Variants in EML1 observed in about 807,000 individuals in gnomAD.
The protein encoded by EML1 is EMAP like 1.
EML1 carries 27 observed loss-of-function variants against 110.4 expected under a neutral mutation model. That is an observed-to-expected ratio of 0.24 (90% CI 0.18 to 0.34). The LOEUF (loss-of-function observed/expected upper bound fraction) is 0.34, where lower values mean the gene tolerates loss of function less well. Ranked by LOEUF, EML1 falls within the 10% of genes least tolerant of loss-of-function variation. The probability of loss-of-function intolerance (pLI) is 1.00; values close to 1 mark genes in which losing one functional copy is unlikely to be tolerated. For missense variants in EML1, 741 were observed against 1,030.9 expected (o/e 0.72, Z 3.85); for synonymous variants, 344 against 385.8 (o/e 0.89, Z 1.27).
At chr14:99,881,707 T>G (rs1595427197) in intron 4 of EML1, among the ~76,000 whole-genome samples, 1 of 152,066 alleles carries the variant, frequency 6.6e-6, no homozygotes, top group Admixed American at 6.5e-5. Context: ...TTCAAGAGAT[T>G]CTCCTGCCTC....
chr14:99,747,798 C>T lies in EML1; in HGVS notation c.28+9938C>T, dbSNP rs543926480. Among the ~76,000 whole-genome samples the T allele has an allele frequency of 7.2e-5, 11 of 152,308 alleles. No individual in the cohort carries two copies. In the South Asian group the frequency reaches 2.3e-3, roughly 32 times the overall value. ...AAGCCCACCCCTGGCCACACGGGGA[C>T]TTGGTGCTGCCCCAGGGGTCCCGCT... On this transcript the variant is annotated intron_variant, in intron 1 of 10. Transcript: ENST00000554479.
In EML1 at chr14:99,744,591, A is replaced by C. The variant is rs138069549; in HGVS notation, c.28+6731A>C. Among the ~76,000 whole-genome samples the C allele has an allele frequency of 8.8e-3, 1,347 of 152,346 alleles. 67 individuals are homozygous for C. Among genetic ancestry groups the C allele is most frequent in the Admixed American group, 0.081 (1,241 of 15,298 alleles). ...TTCAAGTAATCCATTTTAATTATGA[A>C]ATAGAGCACATTGTGTGAGCTGTGG... On this transcript the variant is annotated intron_variant, in intron 1 of 10. Coordinates refer to the EML1 transcript ENST00000554479.
At chr14:99,798,196 G>A (rs1252371839) in intron 1 of EML1, among the ~76,000 whole-genome samples, 1 of 152,076 alleles carries the variant, frequency 6.6e-6, no homozygotes, top group African/African-American at 2.4e-5. Flanking sequence ...AATGATTATA[G>A]TTCTTTCTCA....
chr14:99,860,543 C>T (rs1000171760), intron 2 of EML1, among the ~76,000 whole-genome samples: 29 of 152,116 alleles, frequency 1.9e-4, no homozygotes, highest in African/African-American at 6.0e-4. Context: ...GTTTTCTTAC[C>T]GCAGCGAGCT....
intron 1 of EML1, among the ~76,000 whole-genome samples, chr14:99,819,773 G>C (rs771862119): frequency 3.3e-5 from 5 of 152,194 alleles, no homozygotes; most frequent in Non-Finnish European, 7.4e-5. Flanking sequence ...CCAGCCTCTC[G>C]CACCGAGCAT....
chr14:99,819,713 A>T (rs1330740489), intron 1 of EML1, among the ~76,000 whole-genome samples: 1 of 151,994 alleles, frequency 6.6e-6, no homozygotes, highest in African/African-American at 2.4e-5. Context: ...CCGTGGTGGG[A>T]GGGGTGAAGC....
upstream of EML1, chr14:99,793,298 C>T (rs1566866700): frequency 1.0e-6 from 1 of 977,842 alleles, no homozygotes; most frequent in South Asian, 4.6e-5. Context: ...GGGCGCTGGG[C>T]TCGCGCGGCT....
chr14:99,851,143 GAA>G (rs2058791716), intron 2 of EML1, 108 bp downstream of exon 2: 1 of 1,206,334 alleles, frequency 8.3e-7, no homozygotes, highest in South Asian at 1.5e-5. Context: ...TCGAAACTTA[GAA>G]TAACAATAAA....
intron 1 of EML1, among the ~76,000 whole-genome samples, chr14:99,758,166 A>C (rs1234307074): frequency 6.6e-6 from 1 of 152,348 alleles, no homozygotes; most frequent in South Asian, 2.1e-4. Flanking sequence ...CTGGGAAAAC[A>C]TGCTGTCTCA....
chr14:99,814,879 C>T (rs924225871), intron 1 of EML1, among the ~76,000 whole-genome samples: 3 of 152,094 alleles, frequency 2.0e-5, no homozygotes, highest in African/African-American at 7.2e-5. Flanking sequence ...CATATATGCT[C>T]TTCATTTATT....
chr14:99,800,014 T>G (rs2057846325), intron 1 of EML1, among the ~76,000 whole-genome samples: 2 of 152,232 alleles, frequency 1.3e-5, no homozygotes, highest in Admixed American at 6.5e-5. Context: ...CCTTAAAATT[T>G]TATCAAGCTC....
chr14:99,867,925 T>C (rs2059129395), intron 3 of EML1, among the ~76,000 whole-genome samples: 2 of 152,182 alleles, frequency 1.3e-5, no homozygotes, highest in Admixed American at 1.3e-4. Flanking sequence ...TTTCAGTCTT[T>C]TACCATTGAG....
intron 3 of EML1, among the ~76,000 whole-genome samples, chr14:99,873,988 C>T (rs1181961132): frequency 6.6e-6 from 1 of 152,202 alleles, no homozygotes; most frequent in Non-Finnish European, 1.5e-5. Flanking sequence ...ATCAGAAAAT[C>T]TCTGGTCACA....
intron 3 of EML1, among the ~76,000 whole-genome samples, chr14:99,871,168 A>G (rs187606030): frequency 1.3e-5 from 2 of 152,248 alleles, no homozygotes. Context: ...CATGTTGGCT[A>G]AGATGATCTC....
chr14:99,751,183 C>G (rs991117258), intron 1 of EML1, among the ~76,000 whole-genome samples: 2 of 152,094 alleles, frequency 1.3e-5, no homozygotes, highest in Non-Finnish European at 2.9e-5. Context: ...TCACCTGCCT[C>G]CAGGAGCTCA....
At chr14:99,768,047 G>A (rs553024741), upstream of EML1, among the ~76,000 whole-genome samples, 11 of 152,310 alleles carry the variant, frequency 7.2e-5, no homozygotes, top group South Asian at 2.1e-3. Flanking sequence ...GGGTAAATCA[G>A]GTGGAAGAGG....
At chr14:99,757,836 C>T (rs986521578) in intron 1 of EML1, among the ~76,000 whole-genome samples, 3 of 152,208 alleles carry the variant, frequency 2.0e-5, no homozygotes, top group Admixed American at 6.5e-5. Flanking sequence ...TTCAAGAATA[C>T]GCTTCTCTGC....
chr14:99,827,462 A>G lies in EML1; in HGVS notation c.68-23391A>G, dbSNP rs1401323920. ...TCCAGGCCCAGTAGGCACGAGTACTATAAATACCCTCTGTTATGGGCTTAC... is the reference window on the plus strand; with the variant it reads ...TCCAGGCCCAGTAGGCACGAGTACTGTAAATACCCTCTGTTATGGGCTTAC... On this transcript the variant is annotated intron_variant, in intron 1 of 21. Coordinates refer to ENST00000262233, the MANE Select transcript of EML1 (RefSeq NM_004434.3). This position sits in a 1 kb window ranked among gnomAD's most constrained non-coding sequence, Gnocchi z 4.4. 1.3e-5 allele frequency among the ~76,000 whole-genome samples: 2 copies of G among 152,318 alleles called. No individual in the cohort carries two copies. Among genetic ancestry groups the G allele is most frequent in the African/African-American group, 2.4e-5 (1 of 41,574 alleles).
chr14:99,937,993 A>G (rs1176388210), intron 20 of EML1, 81 bp downstream of exon 20: 43 of 1,409,978 alleles, frequency 3.0e-5, no homozygotes, highest in Non-Finnish European at 3.9e-5. Context: ...ACGGAGTCTC[A>G]TGGTCACCAG....
Sources: allele counts gnomAD v4.1 joint callset (sites outside exome capture counted in the v4.1 genomes callset), GRCh38; gene constraint gnomAD v4.1.1; non-coding constraint Gnocchi (gnomAD v3.1); transcripts MANE v1.5; gene names NCBI Gene and HGNC (gene_info 2026-07-23, HGNC 2026-07-21).